The following IQCK variants were observed in gnomAD, a reference collection of about 807,000 sequenced individuals.
IQCK encodes IQ domain-containing protein K.
Under a neutral mutation model 28.1 loss-of-function variants are expected in IQCK, and 29 were observed. That is an observed-to-expected ratio of 1.03 (90% confidence interval 0.77 to 1.41). IQCK has a LOEUF of 1.41. IQCK is among the 40% of genes most tolerant of loss of function. The probability of loss-of-function intolerance (pLI) is 0.00; values close to 1 mark genes in which losing one functional copy is unlikely to be tolerated. For synonymous variants in IQCK, 113 were observed against 115.1 expected (o/e 0.98, Z 0.12); for missense variants, 359 against 314.7 (o/e 1.14, Z -1.07).
intron 4 of IQCK, among the ~76,000 whole-genome samples, chr16:19,750,888 T>G (rs915182830): frequency 1.3e-5 from 2 of 152,058 alleles, no homozygotes; most frequent in Admixed American, 1.3e-4. Flanking sequence ...ATGAGGACAG[T>G]CTGCGAGGAA....
chr16:19,758,383 C>T (rs8043979), intron 4 of IQCK, among the ~76,000 whole-genome samples: 8,283 of 152,236 alleles, frequency 0.054, 704 homozygotes, highest in African/African-American at 0.18. Context: ...TTCTTTGCAT[C>T]GAAAGTGATT....
chr16:19,786,100 C>A (rs2055558263), intron 6 of IQCK, among the ~76,000 whole-genome samples: 1 of 152,102 alleles, frequency 6.6e-6, no homozygotes, highest in Non-Finnish European at 1.5e-5. Context: ...AATTCACTGC[C>A]AACACACCAA....
chr16:19,732,656 T>C (rs930799986), intron 2 of IQCK, among the ~76,000 whole-genome samples: 3 of 152,078 alleles, frequency 2.0e-5, no homozygotes, highest in African/African-American at 7.2e-5. Flanking sequence ...AGAGATGAGG[T>C]CTTGCTATGT....
chr16:19,719,064 T>A (rs1977379844), intron 1 of IQCK, among the ~76,000 whole-genome samples: 1 of 152,204 alleles, frequency 6.6e-6, no homozygotes, highest in African/African-American at 2.4e-5. Flanking sequence ...ACTCAGTATT[T>A]GTTACTTAGG....
intron 4 of IQCK, chr16:19,736,189 C>G: frequency 2.2e-6 from 1 of 455,850 alleles, no homozygotes; most frequent in South Asian, 1.6e-5. Flanking sequence ...AGTCTTGGAA[C>G]ACAGTAAGTG....
At chr16:19,728,825 A>G (rs1458589439) in intron 1 of IQCK, among the ~76,000 whole-genome samples, 1 of 152,228 alleles carries the variant, frequency 6.6e-6, no homozygotes, top group Non-Finnish European at 1.5e-5. Flanking sequence ...GCAACCTGAC[A>G]TTCTTGTCCC....
Position 19,727,423 on chromosome 16 carries a change from C to T in IQCK, c.182-3007C>T, listed in dbSNP as rs145374979. ...GCAACACGGTGAAACCCCATCTCTACTAAAATACAAAAAATTTGTCTGGCA... is the reference window on the plus strand; with the variant it reads ...GCAACACGGTGAAACCCCATCTCTATTAAAATACAAAAAATTTGTCTGGCA... On this transcript the variant is annotated intron_variant, in intron 1 of 7. Transcript: ENST00000564186. 1.8e-3 allele frequency among the ~76,000 whole-genome samples: 280 copies of T among 152,240 alleles called. 4 individuals carry two copies. Among genetic ancestry groups the T allele is most frequent in the African/African-American group, 6.5e-3 (272 of 41,558 alleles).
downstream of IQCK, among the ~76,000 whole-genome samples, chr16:19,829,496 C>G (rs2056201422): frequency 6.6e-6 from 1 of 152,090 alleles, no homozygotes; most frequent in Admixed American, 6.6e-5. Flanking sequence ...GCCACCATGC[C>G]CAGCTAATTT....
At chr16:19,720,967 G>A (rs1421115046) in intron 1 of IQCK, among the ~76,000 whole-genome samples, 2 of 151,448 alleles carry the variant, frequency 1.3e-5, no homozygotes, top group African/African-American at 4.9e-5. Flanking sequence ...ACCTGAGATC[G>A]TGCCACTGCA....
At chr16:19,841,371 A>G (rs2056360592) in intron 9 of IQCK, among the ~76,000 whole-genome samples, 1 of 152,160 alleles carries the variant, frequency 6.6e-6, no homozygotes, top group African/African-American at 2.4e-5. Flanking sequence ...CGTGGCATCC[A>G]GAGACTTGTC....
chr16:19,730,007 G>A (rs1034874450), intron 1 of IQCK, among the ~76,000 whole-genome samples: 2 of 151,144 alleles, frequency 1.3e-5, no homozygotes, highest in African/African-American at 2.4e-5. Context: ...GCTGGCTGGA[G>A]TGCAGTGGCA....
At chr16:19,763,947 G>T (rs10500403) in intron 5 of IQCK, 47 bp downstream of exon 5, 2 of 1,595,246 alleles carry the variant, frequency 1.3e-6, no homozygotes, top group Admixed American at 1.7e-5. Flanking sequence ...GAATTCAGTC[G>T]TGTTAATTTG....
In IQCK at chr16:19,732,322, G is replaced by C. The variant is rs367851584; in HGVS notation, c.247-1376G>C. ...GTGGCTTTCTTCTACTGCTGTACTTGTGGGTTTGTTTTCTGGATGGGTCTC... is the reference window on the plus strand; with the variant it reads ...GTGGCTTTCTTCTACTGCTGTACTTCTGGGTTTGTTTTCTGGATGGGTCTC... On this transcript the variant is annotated intron_variant, in intron 2 of 7. Transcript: ENST00000564186. Among the ~76,000 whole-genome samples, 16 of 152,278 alleles carry C rather than the reference G, an allele frequency of 1.1e-4. 1 individual carries two copies. The highest frequency in any genetic ancestry group is 3.8e-4 in the African/African-American group (16 of 41,564).
intron 1 of IQCK, among the ~76,000 whole-genome samples, chr16:19,723,935 G>A (rs977458085): frequency 1.3e-5 from 2 of 151,680 alleles, no homozygotes; most frequent in African/African-American, 4.8e-5. Context: ...CCTCCAGCCT[G>A]GGTGACAGAG....
At chr16:19,787,124 G>C (rs1048811145) in intron 6 of IQCK, among the ~76,000 whole-genome samples, 1 of 18,582 alleles carries the variant, frequency 5.4e-5, no homozygotes, top group Non-Finnish European at 8.6e-5. Flanking sequence ...CTTTTTTTAA[G>C]TCAGAGTTTT....
chr16:19,730,615 C>T (rs774229012), intron 2 of IQCK, 121 bp downstream of exon 2: 52 of 666,580 alleles, frequency 7.8e-5, no homozygotes, highest in Non-Finnish European at 1.2e-4. Context: ...GGCACTGGAG[C>T]GAGAACCAGA....
At chr16:19,838,359 T>C (rs2056323089) in intron 9 of IQCK, among the ~76,000 whole-genome samples, 1 of 151,984 alleles carries the variant, frequency 6.6e-6, no homozygotes, top group Non-Finnish European at 1.5e-5. Flanking sequence ...TTGGGAAAGT[T>C]TGGAGGAAAA....
chr16:19,778,493 C>T (rs1451340718), intron 6 of IQCK, among the ~76,000 whole-genome samples: 1 of 151,870 alleles, frequency 6.6e-6, no homozygotes, highest in African/African-American at 2.4e-5. Context: ...CCTATCTCTA[C>T]AAAACATTTT....
At chr16:19,801,253 A>G (rs1270473514) in intron 7 of IQCK, among the ~76,000 whole-genome samples, 1 of 119,764 alleles carries the variant, frequency 8.3e-6, no homozygotes, top group East Asian at 2.3e-4. Flanking sequence ...ATTTTTGCCT[A>G]TAGACCTCCT....
Sources: gnomAD v4.1 joint callset for allele counts (sites outside exome capture counted in the v4.1 genomes callset) on GRCh38, gnomAD v4.1.1 for gene constraint, MANE v1.5 for transcripts, NCBI Gene and HGNC (gene_info 2026-07-23, HGNC 2026-07-21) for gene names.